Variants in SSC5D observed in about 807,000 individuals in gnomAD.
The protein encoded by SSC5D is soluble scavenger receptor cysteine-rich domain-containing protein SSC5D.
Under a neutral mutation model 104.6 loss-of-function variants are expected in SSC5D, and 106 were observed. That is an observed-to-expected ratio of 1.01 (90% CI 0.87 to 1.19). The LOEUF is 1.19. Among genes scored for constraint, SSC5D ranks in the 50% most tolerant of loss-of-function variants. SSC5D has a pLI of 0.00. For missense variants in SSC5D, 1,993 were observed against 2,153.8 expected, an observed-to-expected ratio of 0.93 and a Z score of 1.48; for synonymous variants, 860 against 883.5, an observed-to-expected ratio of 0.97 and a Z score of 0.47.
rs1272283092 is a variant in SSC5D at position 55,500,339 on chromosome 19, G to T, written c.2229G>T (p.Glu743Asp). 2 of 1,551,430 alleles carry T rather than the reference G, an allele frequency of 1.3e-6. No individual in the cohort carries two copies. Among genetic ancestry groups the T allele is most frequent in the African/African-American group, 1.4e-5 (1 of 73,036 alleles). Residue 743 changes from glutamate (E) to aspartate (D), a missense_variant, in exon 10 of 14, where the codon GAG becomes GAT. This residue lies in a region of SSC5D where 1,101 missense variants were observed against 1,085.0 expected (regional missense o/e 1.01). Coordinates refer to ENST00000389623, the MANE Select transcript of SSC5D (RefSeq NM_001144950.2). The surrounding 1 kb of genome is among the most constrained non-coding windows in gnomAD (Gnocchi z 4.6). ...AGGCCTCCCTGGAGCCATCTGCTGAGATCCCAGAAGGGTCTCCAGAGTCAC... is the reference window on the plus strand; with the variant it reads ...AGGCCTCCCTGGAGCCATCTGCTGATATCCCAGAAGGGTCTCCAGAGTCAC... ...IPQASLEPSAEIPEGSPESPK... is the reference protein window; with the variant it reads ...IPQASLEPSADIPEGSPESPK...
intron 4 of SSC5D, 52 bp downstream of exon 4, chr19:55,490,047 C>A: frequency 1.5e-6 from 2 of 1,314,106 alleles, no homozygotes; most frequent in Non-Finnish European, 2.0e-6. Flanking sequence ...CCCTCCTGCC[C>A]CCCCCGAGGG....
Position 55,489,466 on chromosome 19 carries a change from C to G in SSC5D, c.165C>G (p.Ala55=), listed in dbSNP as rs967385468. Residue 55 remains alanine (A), a synonymous_variant, in exon 3 of 14, where the codon GCC becomes GCG. Transcript: ENST00000389623. ...CDDGWDLRDA[A]VACRQLGCGG... is the part of the protein sequence containing the mutation. The stretch of plus-strand genomic sequence containing the variant: ...ACGGCTGGGACCTGCGCGATGCCGC[C>G]GTGGCCTGCCGGCAGCTGGGCTGCG... The G allele has an allele frequency of 6.1e-6, 9 of 1,474,096 alleles. No individual in the cohort carries two copies. The African/African-American group carries it at 7.2e-5, about 12-fold the overall frequency. 91.3% of individuals were successfully genotyped at this position (1,474,096 alleles called of 1,614,324 possible). A position where few individuals can be genotyped will look rare whatever the true frequency, so the allele number is the denominator to read the frequency against.
At chr19:55,504,470 TTGAGTCCCCG>T in intron 12 of SSC5D, 1 of 490,242 alleles carries the variant, frequency 2.0e-6, no homozygotes, top group Non-Finnish European at 3.2e-6. Flanking sequence ...CTTGGTCTCT[TTGAGTCCCCG>T]TTTCTTATTT....
chr19:55,499,853 C>T lies in SSC5D; in HGVS notation c.1743C>T (p.Ser581=). 2 of 1,551,626 alleles carry T rather than the reference C, an allele frequency of 1.3e-6. No individual in the cohort carries two copies. The highest frequency in any genetic ancestry group is 1.7e-6 in the Non-Finnish European group (2 of 1,146,986). ...PGLDSISDPF[S]WSWIPGLGRD... is the part of the protein sequence containing the mutation. Reference sequence around the variant, plus strand: ...TGGACTCCATCTCAGACCCCTTCAGCTGGAGCTGGATTCCTGGACTGGGGA... The same window carrying T: ...TGGACTCCATCTCAGACCCCTTCAGTTGGAGCTGGATTCCTGGACTGGGGA... Residue 581 remains serine (S), a synonymous_variant, in exon 10 of 14, where the codon AGC becomes AGT. Coordinates refer to ENST00000389623, the MANE Select transcript of SSC5D (RefSeq NM_001144950.2).
chr19:55,497,812 G>C, intron 8 of SSC5D, 68 bp from the exon 9 acceptor site: 1 of 1,313,158 alleles, frequency 7.6e-7, no homozygotes, highest in South Asian at 1.5e-5. Context: ...GGGAGGGAAA[G>C]GTGGATGAAG....
intron 12 of SSC5D, among the ~76,000 whole-genome samples, chr19:55,505,172 G>A (rs1320043353): frequency 6.6e-6 from 1 of 151,718 alleles, no homozygotes; most frequent in Non-Finnish European, 1.5e-5. Flanking sequence ...GTTTAAAACC[G>A]CAGAATATTG....
intron 2 of SSC5D, 80 bp downstream of exon 2, chr19:55,489,112 C>A: frequency 1.0e-6 from 1 of 994,022 alleles, no homozygotes; most frequent in Non-Finnish European, 1.4e-6. Context: ...TGGCCTCACC[C>A]CCACTGGGTC....
chr19:55,513,187 T>C lies in SSC5D; in HGVS notation c.2947+15T>C. On this transcript the variant is annotated intron_variant, in intron 13 of 13. Coordinates refer to ENST00000389623, the MANE Select transcript of SSC5D (RefSeq NM_001144950.2). ...TGGAGACACAGGTGAGACACGTGGCTGGGGTGAGGAGACTGGGACGGTATT... is the reference window on the plus strand; with the variant it reads ...TGGAGACACAGGTGAGACACGTGGCCGGGGTGAGGAGACTGGGACGGTATT... 1 of 1,476,936 alleles carries C rather than the reference T, an allele frequency of 6.8e-7. No homozygotes were observed. The highest frequency in any genetic ancestry group is 9.0e-7 in the Non-Finnish European group (1 of 1,110,534). 91.5% of individuals were successfully genotyped at this position (1,476,936 alleles called of 1,614,324 possible).
At chr19:55,507,437 G>T (rs1404323185) in intron 12 of SSC5D, among the ~76,000 whole-genome samples, 1 of 142,188 alleles carries the variant, frequency 7.0e-6, no homozygotes, top group Non-Finnish European at 1.5e-5. Context: ...GGCTGAGGCA[G>T]GTGGATCACC....
rs868842231 is a variant in SSC5D at position 55,518,572 on chromosome 19, T to C, written c.4296T>C (p.Ser1432=). The C allele has an allele frequency of 8.4e-6, 13 of 1,543,456 alleles. No individual in the cohort carries two copies. The highest frequency in any genetic ancestry group is 3.4e-4 in the Middle Eastern group (2 of 5,954). The part of the protein sequence containing the change: ...PPPTHTPHSA[S]DLTVSPDPLL... ...CCACCCATACCCCACACTCAGCCTC[T>C]GACCTTACTGTGTCCCCTGACCCCC... Residue 1432 remains serine (S), a synonymous_variant, in exon 14 of 14, where the codon TCT becomes TCC. Transcript: ENST00000389623.
At chr19:55,504,635 G>A (rs1987598005) in intron 12 of SSC5D, among the ~76,000 whole-genome samples, 1 of 152,112 alleles carries the variant, frequency 6.6e-6, no homozygotes, top group South Asian at 2.1e-4. Context: ...TGTGTAGCTG[G>A]GATTACAGGC....
Position 55,500,434 on chromosome 19 carries a change from G to C in SSC5D, c.2302+22G>C. The C allele has an allele frequency of 2.6e-6, 4 of 1,548,960 alleles. No individual in the cohort carries two copies. The highest frequency in any genetic ancestry group is 2.6e-6 in the Non-Finnish European group (3 of 1,145,034). Reference sequence around the variant, plus strand: ...TCAGGTGAGTGGCCGTGAGGGGTGTGGGGAGAGAATGGGAGAGGCTGACCC... The same window carrying C: ...TCAGGTGAGTGGCCGTGAGGGGTGTCGGGAGAGAATGGGAGAGGCTGACCC... On this transcript the variant is annotated intron_variant, in intron 10 of 13. Transcript: ENST00000389623. This position sits in a 1 kb window ranked among gnomAD's most constrained non-coding sequence, Gnocchi z 4.6.
intron 9 of SSC5D, 129 bp downstream of exon 9, chr19:55,498,326 T>A: frequency 1.1e-6 from 1 of 932,664 alleles, no homozygotes; most frequent in Non-Finnish European, 1.6e-6. Context: ...TTTGCACATA[T>A]AACCACATTG....
Position 55,489,032 on chromosome 19 carries a change from G to A in SSC5D, c.52G>A (p.Glu18Lys), listed in dbSNP as rs1287582829. The A allele has an allele frequency of 6.7e-7, 1 of 1,483,712 alleles. No individual in the cohort carries two copies. Among genetic ancestry groups the A allele is most frequent in the Non-Finnish European group, 9.0e-7 (1 of 1,117,220 alleles). The allele number at this position is 1,483,712 out of a possible 1,614,324, so 91.9% of individuals were successfully genotyped here. A position where few individuals can be genotyped will look rare whatever the true frequency, so the allele number is the denominator to read the frequency against. ...LAALVGIQAV[E>K]RLRLADGPHG... Reference sequence around the variant, plus strand: ...GGCCCTGGTGGGGATCCAGGCTGTTGGTAAGTGCCCAGACTCCTCCCATCT... The same window carrying A: ...GGCCCTGGTGGGGATCCAGGCTGTTAGTAAGTGCCCAGACTCCTCCCATCT... Residue 18 changes from glutamate to lysine, a missense_variant and splice_region_variant, in exon 2 of 14, where the codon GAG (glutamate) becomes AAG (lysine). By Grantham distance (56) the Glu-to-Lys change is moderately conservative. Transcript: ENST00000389623.
At chr19:55,499,672 C>T in intron 9 of SSC5D, 144 bp from the exon 10 acceptor site, 1 of 752,912 alleles carries the variant, frequency 1.3e-6, no homozygotes, top group Non-Finnish European at 2.1e-6. Flanking sequence ...ATAGGAGGTG[C>T]TCAATAAATA....
At position 55,493,994 on chromosome 19, in the gene SSC5D, G is replaced by GGGGGGGGGGGGGGGGT; in HGVS notation, c.1213+82_1213+83insGGGGGGGGGGGGGGGT. The GGGGGGGGGGGGGGGGT allele has an allele frequency of 9.8e-5, 14 of 143,314 alleles. 1 individual carries two copies. Among genetic ancestry groups the GGGGGGGGGGGGGGGGT allele is most frequent in the South Asian group, 3.1e-4 (4 of 12,758 alleles). 8.9% of individuals were successfully genotyped at this position (143,314 alleles called of 1,614,324 possible). A position where few individuals can be genotyped will look rare whatever the true frequency, so the allele number is the denominator to read the frequency against. On this transcript the variant is annotated intron_variant, in intron 7 of 13. Coordinates refer to ENST00000389623, the MANE Select transcript of SSC5D (RefSeq NM_001144950.2). ...GGGCAAGTTCGGCGGGGGCGGGGGG[G>GGGGGGGGGGGGGGGGT]TCCCTACGCGCCCTTCCTGCCCTCT...
Position 55,517,627 on chromosome 19 carries a change from G to C in SSC5D, c.3351G>C (p.Gln1117His), listed in dbSNP as rs1363412073. The C allele has an allele frequency of 6.4e-6, 10 of 1,551,526 alleles. No homozygotes were observed. The highest frequency in any genetic ancestry group is 8.7e-6 in the Non-Finnish European group (10 of 1,147,030). Residue 1117 changes from glutamine (Q) to histidine (H), a missense_variant, in exon 14 of 14, where the codon CAG becomes CAC. Physicochemically the swap from Gln to His is conservative, Grantham distance 24. Coordinates refer to ENST00000389623, the MANE Select transcript of SSC5D (RefSeq NM_001144950.2). Reference sequence around the variant, plus strand: ...CCAGCCTTTCCCCTACCTCAGAGCAGGTCCCAGAATCTGACACAACCCCAG... The same window carrying C: ...CCAGCCTTTCCCCTACCTCAGAGCACGTCCCAGAATCTGACACAACCCCAG... ...EVTSLSPTSE[Q>H]VPESDTTPDL...
intron 7 of SSC5D, 73 bp downstream of exon 7, chr19:55,493,985 G>C (rs1203229547): frequency 6.8e-6 from 2 of 295,864 alleles, no homozygotes; most frequent in Non-Finnish European, 1.3e-5. Flanking sequence ...GTTCGGCGGG[G>C]GCGGGGGGGT....
chr19:55,491,870 C>G (rs909413019), intron 6 of SSC5D: 1 of 152,360 alleles, frequency 6.6e-6, no homozygotes, highest in African/African-American at 2.4e-5. Context: ...GCTGGACTGC[C>G]CGATCCATTG....
Sources: allele counts gnomAD v4.1 joint callset (sites outside exome capture counted in the v4.1 genomes callset), GRCh38; gene constraint gnomAD v4.1.1; regional missense constraint gnomAD v4.1.1; non-coding constraint Gnocchi (gnomAD v3.1); transcripts MANE v1.5; gene names NCBI Gene and HGNC (gene_info 2026-07-23, HGNC 2026-07-21).